Variants in UNC45A observed in about 807,000 individuals in gnomAD.
UNC45A encodes the protein protein unc-45 homolog A.
In UNC45A, 78 loss-of-function variants were observed where a neutral mutation model predicts 103.2. The observed-to-expected ratio is 0.76, with a 90% CI of 0.63 to 0.91. The LOEUF (loss-of-function observed/expected upper bound fraction) is 0.91, where lower values mean the gene tolerates loss of function less well. Ranked by LOEUF, UNC45A falls within the 40% of genes least tolerant of loss-of-function variation. The pLI is 0.00. For missense variants in UNC45A, 1,193 were observed against 1,224.8 expected, an observed-to-expected ratio of 0.97 and a Z score of 0.39; for synonymous variants, 495 against 504.6, an observed-to-expected ratio of 0.98 and a Z score of 0.25.
rs1224366555 is a variant in UNC45A at position 90,953,001 on chromosome 15, C to T, written c.2376C>T (p.Arg792=). The part of the protein sequence containing the change: ...GYMFEEHEMI[R]RAATECMCNL... ...TGTTTGAGGAGCATGAGATGATCCG[C>T]CGGGCAGCCACGGAGTGCATGTGTA... Residue 792 remains arginine (R), a synonymous_variant, in exon 18 of 20, where the codon CGC becomes CGT. Transcript: ENST00000418476. 2.5e-6 allele frequency: 4 copies of T among 1,613,482 alleles called. No individual in the cohort carries two copies. The highest frequency in any genetic ancestry group is 3.4e-6 in the Non-Finnish European group (4 of 1,180,040).
At chr15:90,949,838 A>T (rs1244492074) in intron 15 of UNC45A, 118 bp downstream of exon 15, 1 of 1,102,806 alleles carries the variant, frequency 9.1e-7, no homozygotes, top group Non-Finnish European at 1.4e-6. Context: ...ATTAATGGCC[A>T]GAGGAACACC....
intron 6 of UNC45A, among the ~76,000 whole-genome samples, chr15:90,941,938 G>A (rs1396622072): frequency 7.2e-6 from 1 of 138,804 alleles, no homozygotes; most frequent in South Asian, 2.3e-4. Context: ...CAGCCTGGGC[G>A]ACAGAGCAAG....
chr15:90,931,776 G>T, upstream of UNC45A: 1 of 1,614,068 alleles, frequency 6.2e-7, no homozygotes, highest in South Asian at 1.1e-5. Flanking sequence ...TTGGCCCCGG[G>T]GCTACTGTGG....
Position 90,936,272 on chromosome 15 carries a change from T to C in UNC45A, c.251-13T>C. 6.2e-7 allele frequency: 1 copy of C among 1,608,564 alleles called. No homozygotes were observed. On this transcript the variant is annotated splice_polypyrimidine_tract_variant and intron_variant, in intron 3 of 19. Transcript: ENST00000418476. ...GCCTCATGGGTGCTGACAGCGCTCC[T>C]GTTTGTGCTCAGCCATTGAAAAGGA...
Position 90,936,290 on chromosome 15 carries a change from G to A in UNC45A, c.256G>A (p.Glu86Lys), listed in dbSNP as rs1374372840. 6.2e-7 allele frequency: 1 copy of A among 1,612,172 alleles called. No homozygotes were observed. Among genetic ancestry groups the A allele is most frequent in the Non-Finnish European group, 8.5e-7 (1 of 1,179,296 alleles). The change falls in exon 4 of 20, where the codon GAA becomes AAA. Residue 86 changes from glutamate (E) to lysine (K), a missense_variant. Coordinates refer to ENST00000418476, the MANE Select transcript of UNC45A (RefSeq NM_018671.5). The part of the protein sequence containing the change: ...KAETEASKAI[E>K]KDGGDVKALY... ...GCGCTCCTGTTTGTGCTCAGCCATT[G>A]AAAAGGATGGTGGGGATGTCAAAGC...
chr15:90,940,834 A>C, intron 6 of UNC45A: 1 of 158,986 alleles, frequency 6.3e-6, no homozygotes, highest in South Asian at 1.8e-4. Context: ...ACTTGCTTGA[A>C]CCCAGGAGGT....
At chr15:90,932,703 G>A, upstream of UNC45A, 1 of 411,240 alleles carries the variant, frequency 2.4e-6, no homozygotes. Flanking sequence ...CGCGCAGAGA[G>A]CAAGTGATGT....
upstream of UNC45A, chr15:90,932,492 G>A (rs766705648): frequency 3.1e-6 from 4 of 1,309,680 alleles, no homozygotes; most frequent in East Asian, 3.0e-5. Flanking sequence ...CGGTGCTTGC[G>A]AGCCGCGAAG....
At chr15:90,943,506 C>T (rs2036400852) in intron 8 of UNC45A, among the ~76,000 whole-genome samples, 1 of 151,894 alleles carries the variant, frequency 6.6e-6, no homozygotes, top group East Asian at 1.9e-4. Flanking sequence ...TCCTGTGGCC[C>T]AGGAGGATGC....
chr15:90,937,889 C>T (rs995158798), intron 4 of UNC45A, among the ~76,000 whole-genome samples: 4 of 152,112 alleles, frequency 2.6e-5, no homozygotes, highest in Non-Finnish European at 4.4e-5. Flanking sequence ...CTCTTCCTCC[C>T]GGGCTCAAGC....
chr15:90,945,296 A>G (rs892122953), intron 9 of UNC45A, among the ~76,000 whole-genome samples: 17 of 152,192 alleles, frequency 1.1e-4, no homozygotes, highest in African/African-American at 4.1e-4. Context: ...AACGCCATCA[A>G]GCACGTACTG....
upstream of UNC45A, chr15:90,931,103 T>A: frequency 2.8e-6 from 2 of 714,446 alleles, no homozygotes; most frequent in Non-Finnish European, 4.5e-6. Flanking sequence ...CACGCGGGGC[T>A]CAGCTTAGTT....
At chr15:90,950,413 T>C (rs2036836385) in intron 16 of UNC45A, 87 bp from the exon 17 acceptor site, 2 of 1,497,898 alleles carry the variant, frequency 1.3e-6, no homozygotes, top group Non-Finnish European at 1.8e-6. Context: ...AGCAGTACTC[T>C]CTTGGGGGTG....
chr15:90,932,050 G>C (rs1215374032), upstream of UNC45A: 2 of 1,613,702 alleles, frequency 1.2e-6, no homozygotes, highest in Non-Finnish European at 8.5e-7. Flanking sequence ...AAGGGGGAAA[G>C]TTACCTGTAA....
chr15:90,932,207 C>G (rs912346957), upstream of UNC45A: 13 of 1,324,626 alleles, frequency 9.8e-6, no homozygotes, highest in African/African-American at 3.0e-5. Flanking sequence ...CTTGTGGACT[C>G]TGACTAGCTG....
upstream of UNC45A, chr15:90,931,823 T>C (rs762569636): frequency 7.4e-6 from 12 of 1,614,042 alleles, no homozygotes; most frequent in Admixed American, 2.0e-4. Flanking sequence ...TCTCTCCAGC[T>C]TGGGCAGAGT....
In UNC45A at chr15:90,946,822, C is replaced by T. The variant is rs568697691; in HGVS notation, c.1408C>T (p.Arg470Trp). The part of the protein sequence containing the change: ...ALIHAAGKAK[R>W]ASFITANGVS... The stretch of plus-strand genomic sequence containing the variant: ...GATCCATGCAGCCGGCAAGGCTAAG[C>T]GGGCCTCATTCATCACTGCCAATGG... The change falls in exon 10 of 20, where the codon CGG becomes TGG. Residue 470 changes from arginine (R) to tryptophan (W), a missense_variant. Arg to Trp is a moderately radical substitution (Grantham distance 101). Transcript: ENST00000418476. The T allele has an allele frequency of 7.4e-6, 12 of 1,612,934 alleles. No homozygotes were observed. The highest frequency in any genetic ancestry group is 1.7e-4 in the Middle Eastern group (1 of 6,058).
chr15:90,942,877 T>C (rs1192725266), intron 7 of UNC45A, 35 bp from the exon 8 acceptor site: 28 of 1,576,662 alleles, frequency 1.8e-5, no homozygotes, highest in Non-Finnish European at 2.3e-5. Context: ...GCTGGGCTGC[T>C]GTGGAGCCCA....
chr15:90,950,647 C>G (rs769873582), intron 17 of UNC45A, 32 bp downstream of exon 17: 7 of 1,603,860 alleles, frequency 4.4e-6, no homozygotes, highest in Non-Finnish European at 6.0e-6. Context: ...GGGCCTGGAC[C>G]AGGCATCGGG....
Sources: gnomAD v4.1 joint callset for allele counts (sites outside exome capture counted in the v4.1 genomes callset) on GRCh38, gnomAD v4.1.1 for gene constraint, MANE v1.5 for transcripts, NCBI Gene and HGNC (gene_info 2026-07-23, HGNC 2026-07-21) for gene names.